The following HOOK2 variants were observed in gnomAD, a reference collection of about 807,000 sequenced individuals.
HOOK2 encodes the protein protein Hook homolog 2.
In HOOK2, 108 loss-of-function variants were observed where a neutral mutation model predicts 111.9. The observed-to-expected ratio is 0.96, with a 90% CI of 0.83 to 1.13. The LOEUF (loss-of-function observed/expected upper bound fraction) is 1.13, where lower values mean the gene tolerates loss of function less well. Among genes scored for constraint, HOOK2 ranks in the 50% most tolerant of loss-of-function variants. The probability of loss-of-function intolerance (pLI) is 0.00; values close to 1 mark genes in which losing one functional copy is unlikely to be tolerated. For synonymous variants in HOOK2, 405 were observed against 394.3 expected (o/e 1.03, Z -0.32); for missense variants, 978 against 951.3 (o/e 1.03, Z -0.37).
chr19:12,781,806 C>G (rs565686481), upstream of HOOK2, among the ~76,000 whole-genome samples: 1 of 151,546 alleles, frequency 6.6e-6, no homozygotes, highest in South Asian at 2.1e-4. Flanking sequence ...ACAAAACAAG[C>G]CCTGGTGTGC....
intron 3 of HOOK2, among the ~76,000 whole-genome samples, chr19:12,788,596 T>C (rs2145801301): frequency 6.6e-6 from 1 of 151,808 alleles, no homozygotes; most frequent in African/African-American, 2.4e-5. Context: ...CACCTCTCTC[T>C]AGGACTCCCT....
chr19:12,777,766 C>T (rs1321596592), upstream of HOOK2, among the ~76,000 whole-genome samples: 1 of 152,272 alleles, frequency 6.6e-6, no homozygotes, highest in East Asian at 1.9e-4. Flanking sequence ...CAGAACGCGG[C>T]CTAGGGGGAA....
chr19:12,766,040 G>A (rs1299572269), intron 15 of HOOK2, 26 bp from the exon 16 acceptor site: 2 of 1,610,910 alleles, frequency 1.2e-6, no homozygotes, highest in Middle Eastern at 1.7e-4. Flanking sequence ...GCCGCTTAGT[G>A]CCTGTGCCCA....
At chr19:12,769,420 C>T (rs1968248812) in intron 11 of HOOK2, among the ~76,000 whole-genome samples, 1 of 152,036 alleles carries the variant, frequency 6.6e-6, no homozygotes, top group African/African-American at 2.4e-5. Flanking sequence ...AGCCACCGCA[C>T]CCGGTCTTTT....
In HOOK2 at chr19:12,771,264, C is replaced by T. The variant is rs772982492; in HGVS notation, c.656G>A (p.Arg219Gln). ...GCCTTCAGGCCGGCCCATCCGCTCC[C>T]GCAGCCCTGCATTCTCTTGCGCCAG... is the stretch of plus-strand genomic sequence containing the variant. ...QSLAQENAGL[R>Q]ERMGRPEGEG... Residue 219 changes from arginine to glutamine, a missense_variant, in exon 9 of 23, where the codon CGG (arginine) becomes CAG (glutamine). Around this residue, in one of 5 missense-constraint regions of HOOK2, gnomAD observed 301 missense variants for 286.1 expected, o/e 1.05. Transcript: ENST00000397668. The T allele has an allele frequency of 1.9e-6, 3 of 1,605,744 alleles. No homozygotes were observed. Among genetic ancestry groups the T allele is most frequent in the Admixed American group, 3.4e-5 (2 of 58,548 alleles).
chr19:12,771,518 G>A (rs1234051828), intron 7 of HOOK2, 41 bp from the exon 8 acceptor site: 2 of 1,542,556 alleles, frequency 1.3e-6, no homozygotes, highest in Admixed American at 1.8e-5. Flanking sequence ...GGATTCAGGA[G>A]AAGGACGGGG....
chr19:12,776,370 C>A (rs1169295015), upstream of HOOK2, among the ~76,000 whole-genome samples: 2 of 151,590 alleles, frequency 1.3e-5, no homozygotes, highest in Non-Finnish European at 2.9e-5. Context: ...AAGTTGGAGA[C>A]CAGCCTCTCT....
rs1367789194 is a variant in HOOK2 at position 12,766,255 on chromosome 19, GGA to G, written c.1374-17_1374-16del. ...GGAGCGTCTCCCTGCAGACCCGGGA[GGA>G]GAGAGCAGGGCCAGGGTCGAGTCAC... On this transcript the variant is annotated splice_polypyrimidine_tract_variant and intron_variant, in intron 14 of 22. Transcript: ENST00000397668. 2 of 1,549,734 alleles carry G rather than the reference GGA, an allele frequency of 1.3e-6. No homozygotes were observed. The highest frequency in any genetic ancestry group is 2.7e-5 in the African/African-American group (2 of 73,830).
intron 17 of HOOK2, 44 bp downstream of exon 17, chr19:12,765,785 C>T (rs1396193045): frequency 1.9e-6 from 3 of 1,614,076 alleles, no homozygotes; most frequent in East Asian, 4.5e-5. Flanking sequence ...TCTTCCTTCC[C>T]AGGGTGAGGG....
At chr19:12,765,549 A>T in intron 18 of HOOK2, 141 bp downstream of exon 18, 1 of 1,183,924 alleles carries the variant, frequency 8.4e-7, no homozygotes. Context: ...GGAGTCCGAG[A>T]CCAGCCTGGC....
In HOOK2 at chr19:12,763,439, AG is replaced by A; in HGVS notation, c.2011-9del. ...CTGCTGCAAGGCCATGCCCTTCAGG[AG>A]GAGGTGTGGTTGGGGTCAGGTGAGC... On this transcript the variant is annotated splice_polypyrimidine_tract_variant and intron_variant, in intron 22 of 22. Transcript: ENST00000397668. 7 of 1,613,630 alleles carry A rather than the reference AG, an allele frequency of 4.3e-6. No individual in the cohort carries two copies. Among genetic ancestry groups the A allele is most frequent in the Non-Finnish European group, 5.1e-6 (6 of 1,179,762 alleles).
chr19:12,775,721 G>C, upstream of HOOK2: 1 of 353,298 alleles, frequency 2.8e-6, no homozygotes, highest in South Asian at 9.0e-5. Context: ...GGTCAGCCTG[G>C]CCCAGCCTTG....
chr19:12,770,019 G>A lies in HOOK2; in HGVS notation c.966C>T (p.Gly322=), dbSNP rs1389410616. The A allele has an allele frequency of 2.6e-6, 4 of 1,541,002 alleles. No individual in the cohort carries two copies. The highest frequency in any genetic ancestry group is 2.7e-5 in the African/African-American group (2 of 72,894). Residue 322 remains glycine (G), a synonymous_variant, in exon 11 of 23, where the codon GGC becomes GGT. Transcript: ENST00000397668. ...CCTGCCGCCGCAGCTCCCTCAGCTC[G>A]CCCAAGCGGCGCCGGCAACTGGTCA... ...ATLTSCRRRL[G]ELRELRRQVR...
chr19:12,763,722 G>A lies in HOOK2; in HGVS notation c.1884C>T (p.Leu628=), dbSNP rs368768165. ...CTCGGAGCTGTGTCCTCAGGGAATG[G>A]AGTTCTGGAGGTGCCCCCGCAGCTG... ...QRPAAGAPPE[L]HSLRTQLRER... The change falls in exon 21 of 23, where the codon CTC becomes CTT. Residue 628 remains leucine (L), a synonymous_variant. Transcript: ENST00000397668. 333 of 1,614,102 alleles carry A rather than the reference G, an allele frequency of 2.1e-4. No homozygotes were observed. The highest frequency in any genetic ancestry group is 2.7e-4 in the Non-Finnish European group (322 of 1,180,052).
upstream of HOOK2, among the ~76,000 whole-genome samples, chr19:12,776,654 G>C (rs991038555): frequency 7.2e-6 from 1 of 138,830 alleles, no homozygotes; most frequent in Non-Finnish European, 1.5e-5. Flanking sequence ...ACTCCAGGGG[G>C]CAACAGTGCA....
chr19:12,779,885 C>G (rs1006084247), upstream of HOOK2, among the ~76,000 whole-genome samples: 1 of 152,122 alleles, frequency 6.6e-6, no homozygotes, highest in Admixed American at 6.6e-5. Flanking sequence ...CTTGGTGGCT[C>G]GCGCCAGTAA....
chr19:12,775,014 C>A, intron 1 of HOOK2, 117 bp from the exon 2 acceptor site: 3 of 1,163,946 alleles, frequency 2.6e-6, no homozygotes, highest in Non-Finnish European at 3.7e-6. Flanking sequence ...CGCTGCTCCG[C>A]CACAGCAGCT....
intron 7 of HOOK2, chr19:12,771,974 G>T (rs1026968896): frequency 1.8e-6 from 1 of 565,158 alleles, no homozygotes; most frequent in Non-Finnish European, 3.2e-6. Flanking sequence ...CTGGAGACCT[G>T]GTACAGGAAG....
At position 12,771,045 on chromosome 19, in the gene HOOK2, G is replaced by A; in HGVS notation, c.789C>T (p.Arg263=). 1 of 1,612,142 alleles carries A rather than the reference G, an allele frequency of 6.2e-7. No individual in the cohort carries two copies. The highest frequency in any genetic ancestry group is 2.2e-5 in the East Asian group (1 of 44,828). Residue 263 remains arginine (R), a synonymous_variant, in exon 10 of 23, where the codon CGC becomes CGT. Coordinates refer to ENST00000397668, the MANE Select transcript of HOOK2 (RefSeq NM_013312.3). ...FRLESGREDE[R]LRCAELEREV... is the part of the protein sequence containing the mutation. ...CCCTCTCCAGCTCGGCACAGCGCAG[G>A]CGCTCATCCTCCCTGCCACTCTCCA...
Sources: gnomAD v4.1 joint callset for allele counts (sites outside exome capture counted in the v4.1 genomes callset) on GRCh38, gnomAD v4.1.1 for gene constraint, gnomAD v4.1.1 regional missense constraint, MANE v1.5 for transcripts, NCBI Gene and HGNC (gene_info 2026-07-23, HGNC 2026-07-21) for gene names.